OPA1: variants seen among roughly 807,000 people sequenced by gnomAD.
OPA1 encodes dynamin-like GTPase OPA1, mitochondrial.
Under a neutral mutation model 152.9 loss-of-function variants are expected in OPA1, and 59 were observed. The observed-to-expected ratio is 0.39, with a 90% confidence interval of 0.31 to 0.48. OPA1 has a LOEUF of 0.48. Ranked by LOEUF, OPA1 falls within the 20% of genes least tolerant of loss-of-function variation. OPA1 has a pLI of 0.96. For synonymous variants in OPA1, 400 were observed against 389.9 expected (o/e 1.03, Z -0.31); for missense variants, 1,008 against 1,216.8 (o/e 0.83, Z 2.55).
intron 29 of OPA1, chr3:193,668,552 C>T (rs946842754): frequency 6.5e-7 from 1 of 1,547,572 alleles, no homozygotes; most frequent in Non-Finnish European, 8.7e-7. Flanking sequence ...CCTTCCTCAC[C>T]TGAAGCCAGA....
chr3:193,676,997 A>G (rs1019156568), intron 29 of OPA1, among the ~76,000 whole-genome samples: 74 of 151,344 alleles, frequency 4.9e-4, no homozygotes, highest in Admixed American at 2.1e-3. Context: ...AAAAAAAAAA[A>G]AAAAAAAGTC....
chr3:193,652,408 CATAGA>C (rs1712733569), intron 21 of OPA1, among the ~76,000 whole-genome samples: 1 of 151,374 alleles, frequency 6.6e-6, no homozygotes, highest in Admixed American at 6.6e-5. Context: ...AAAAAAAAAC[CATAGA>C]ATATAGGCTG....
intron 7 of OPA1, among the ~76,000 whole-genome samples, chr3:193,630,364 A>T (rs1376624313): frequency 6.6e-6 from 1 of 152,224 alleles, no homozygotes; most frequent in African/African-American, 2.4e-5. Context: ...TTAAGGAAAA[A>T]AGAAAAAAAG....
At position 193,593,309 on chromosome 3, in the gene OPA1, C is replaced by G; in HGVS notation, c.-69C>G. On this transcript the variant is annotated 5_prime_UTR_variant, in exon 1 of 31. Coordinates refer to ENST00000361510, the MANE Select transcript of OPA1 (RefSeq NM_130837.3). ...CCTGGGTCATTCCTGGACCGGGAGC[C>G]GGGCTGGGGCTCACACGGGGGCTCC... The G allele has an allele frequency of 1.3e-6, 2 of 1,489,496 alleles. No homozygotes were observed. Among genetic ancestry groups the G allele is most frequent in the African/African-American group, 1.4e-5 (1 of 70,866 alleles). The allele number at this position is 1,489,496 out of a possible 1,614,324, so 92.3% of individuals were successfully genotyped here. A position where few individuals can be genotyped will look rare whatever the true frequency, so the allele number is the denominator to read the frequency against.
At position 193,664,978 on chromosome 3, in the gene OPA1, G is replaced by A. The variant is rs1192362976; in HGVS notation, c.2760G>A (p.Arg920=). 1.5e-5 allele frequency: 24 copies of A among 1,585,300 alleles called. No individual in the cohort carries two copies. Among genetic ancestry groups the A allele is most frequent in the Non-Finnish European group, 2.1e-5 (24 of 1,154,642 alleles). ...GAAGAGGTTTTTATTACTACCAAAG[G>A]CATTTTGTAGATTCTGAGGTAAGGT... is the stretch of plus-strand genomic sequence containing the variant. ...LCRRGFYYYQ[R]HFVDSELECN... is the part of the protein sequence containing the mutation. The change falls in exon 27 of 31, where the codon AGG becomes AGA. Residue 920 remains arginine, a synonymous_variant. Coordinates refer to ENST00000361510, the MANE Select transcript of OPA1 (RefSeq NM_130837.3).
chr3:193,638,956 T>A (rs1178296256), intron 11 of OPA1, among the ~76,000 whole-genome samples: 1 of 151,962 alleles, frequency 6.6e-6, no homozygotes, highest in Non-Finnish European at 1.5e-5. Context: ...TCGGAGCAAG[T>A]GGGAAAAGGA....
intron 29 of OPA1, chr3:193,689,222 T>A (rs950708251): frequency 6.6e-6 from 1 of 152,208 alleles, no homozygotes; most frequent in Non-Finnish European, 1.5e-5. Context: ...ATTGTGAAAG[T>A]GAAAGAACAA....
chr3:193,643,264 A>G, intron 13 of OPA1, 109 bp from the exon 14 acceptor site: 1 of 940,106 alleles, frequency 1.1e-6, no homozygotes, highest in South Asian at 1.4e-5. Context: ...TGAGCGTCTT[A>G]TCTGAATGGA....
At chr3:193,645,940 A>T in intron 18 of OPA1, 140 bp downstream of exon 18, 1 of 725,540 alleles carries the variant, frequency 1.4e-6, no homozygotes, top group African/African-American at 1.8e-5. Context: ...AGTGAACTGT[A>T]TCTAATAAAC....
chr3:193,593,903 GTC>G (rs1003153556), intron 1 of OPA1, among the ~76,000 whole-genome samples: 1 of 151,854 alleles, frequency 6.6e-6, no homozygotes, highest in Non-Finnish European at 1.5e-5. Flanking sequence ...AGGGGCGTCC[GTC>G]TCTTTCCCTA....
At chr3:193,668,620 G>C (rs1333991292) in intron 29 of OPA1, 3 of 1,532,560 alleles carry the variant, frequency 2.0e-6, no homozygotes, top group Admixed American at 4.0e-5. Flanking sequence ...GCCTGCACCA[G>C]GCCACCCTCC....
Position 193,643,878 on chromosome 3 carries a change from T to G in OPA1, c.1478-97T>G, listed in dbSNP as rs931324305. On this transcript the variant is annotated intron_variant, in intron 15 of 30. Transcript: ENST00000361510. Reference sequence around the variant, plus strand: ...AACGTAAATGTATTAAAATCTTTCTTGCTATAATGTAGACACAGGGGTATA... The same window carrying G: ...AACGTAAATGTATTAAAATCTTTCTGGCTATAATGTAGACACAGGGGTATA... The G allele has an allele frequency of 1.7e-5, 22 of 1,286,806 alleles. No homozygotes were observed. The African/African-American group carries it at 3.0e-4, about 17-fold the overall frequency. 79.7% of individuals were successfully genotyped at this position (1,286,806 alleles called of 1,614,324 possible).
intron 25 of OPA1, among the ~76,000 whole-genome samples, chr3:193,660,752 A>C (rs1715076715): frequency 6.6e-6 from 1 of 151,990 alleles, no homozygotes; most frequent in Non-Finnish European, 1.5e-5. Context: ...TAAGAGACTG[A>C]AGCAAAGCTG....
chr3:193,694,682 CT>C lies in OPA1; in HGVS notation c.*83del, dbSNP rs1384114130. The C allele has an allele frequency of 6.6e-6, 1 of 152,196 alleles. No individual in the cohort carries two copies. The highest frequency in any genetic ancestry group is 1.9e-4 in the East Asian group (1 of 5,200). The allele number at this position is 152,196 out of a possible 1,614,324, so 9.4% of individuals were successfully genotyped here. On this transcript the variant is annotated 3_prime_UTR_variant, in exon 31 of 31. Coordinates refer to ENST00000361510, the MANE Select transcript of OPA1 (RefSeq NM_130837.3). Reference sequence around the variant, plus strand: ...GTCTTTTGTCCAGCCTCTTTTTCTTCTGCTGTTCCACCTTTCTAAACATACA... The same window carrying C: ...GTCTTTTGTCCAGCCTCTTTTTCTTCGCTGTTCCACCTTTCTAAACATACA...
At chr3:193,647,744 A>G (rs1243422700) in intron 19 of OPA1, among the ~76,000 whole-genome samples, 5 of 152,174 alleles carry the variant, frequency 3.3e-5, no homozygotes, top group Non-Finnish European at 7.3e-5. Context: ...CCTATTACCC[A>G]GTGTCACACA....
Position 193,635,459 on chromosome 3 carries a change from C to T in OPA1, c.885C>T (p.Asn295=), listed in dbSNP as rs750185470. The T allele has an allele frequency of 1.2e-6, 2 of 1,608,406 alleles. No individual in the cohort carries two copies. The highest frequency in any genetic ancestry group is 2.2e-5 in the East Asian group (1 of 44,664). The stretch of plus-strand genomic sequence containing the variant: ...TCTTGGAACGATTAGAAAAGGAGAA[C>T]AAAGAATTGAGAAAATTAGTATTGC... The part of the protein sequence containing the change: ...QRILERLEKE[N]KELRKLVLQK... Residue 295 remains asparagine, a synonymous_variant, in exon 9 of 31, where the codon AAC becomes AAT. Transcript: ENST00000361510.
chr3:193,667,147 G>GT (rs756891639), intron 28 of OPA1, 23 bp from the exon 29 acceptor site: 1 of 1,164,002 alleles, frequency 8.6e-7, no homozygotes, highest in Non-Finnish European at 1.3e-6. Context: ...TGCTCCTCAG[G>GT]TTTTTTAACT....
chr3:193,602,365 G>T (rs755241617), intron 1 of OPA1, among the ~76,000 whole-genome samples: 5 of 152,148 alleles, frequency 3.3e-5, no homozygotes, highest in Non-Finnish European at 7.4e-5. Flanking sequence ...TTTCCGGAAG[G>T]CCCAGTCTCC....
chr3:193,620,129 C>G (rs1176944246), intron 6 of OPA1, among the ~76,000 whole-genome samples: 3 of 152,150 alleles, frequency 2.0e-5, no homozygotes, highest in Non-Finnish European at 4.4e-5. Flanking sequence ...GAGTGAAGGC[C>G]TTAGCCCTTA....
Sources: gnomAD v4.1 joint callset for allele counts (sites outside exome capture counted in the v4.1 genomes callset) on GRCh38, gnomAD v4.1.1 for gene constraint, MANE v1.5 for transcripts, NCBI Gene and HGNC (gene_info 2026-07-23, HGNC 2026-07-21) for gene names.